The following TBC1D5 variants were observed in gnomAD, a reference collection of about 807,000 sequenced individuals.
The protein encoded by TBC1D5 is TBC1 domain family, member 5.
Under a neutral mutation model 100.3 loss-of-function variants are expected in TBC1D5, and 75 were observed. The ratio of observed to expected loss-of-function variants is 0.75; its 90% CI spans 0.62 to 0.91. The LOEUF is 0.91. TBC1D5 is among the 40% of genes least tolerant of loss of function. The probability of loss-of-function intolerance (pLI) is 0.00; values close to 1 mark genes in which losing one functional copy is unlikely to be tolerated. For synonymous variants in TBC1D5, 323 were observed against 325.6 expected (o/e 0.99, Z 0.09); for missense variants, 910 against 942.4 (o/e 0.97, Z 0.45).
intron 9 of TBC1D5, among the ~76,000 whole-genome samples, chr3:17,378,083 A>T (rs1323790269): frequency 3.3e-5 from 5 of 151,882 alleles, no homozygotes; most frequent in Admixed American, 6.6e-5. Context: ...ATAAATAAGT[A>T]TTGTATTAAT....
At chr3:17,409,033 A>C (rs2093850369) in intron 4 of TBC1D5, among the ~76,000 whole-genome samples, 1 of 152,176 alleles carries the variant, frequency 6.6e-6, no homozygotes, top group African/African-American at 2.4e-5. Context: ...CAATATTCAA[A>C]GATGAGATTA....
At chr3:17,618,741 T>A (rs904653883) in intron 2 of TBC1D5, among the ~76,000 whole-genome samples, 2 of 152,240 alleles carry the variant, frequency 1.3e-5, no homozygotes, top group African/African-American at 4.8e-5. Context: ...GTCTGCTGGT[T>A]ACTAAGGCCA....
intron 1 of TBC1D5, among the ~76,000 whole-genome samples, chr3:17,660,447 T>G (rs2066530642): frequency 6.6e-6 from 1 of 152,222 alleles, no homozygotes; most frequent in African/African-American, 2.4e-5. Context: ...AAGTAAGTGC[T>G]TCAGAAACTC....
At chr3:17,435,290 C>T (rs949689918) in intron 3 of TBC1D5, among the ~76,000 whole-genome samples, 2 of 152,168 alleles carry the variant, frequency 1.3e-5, no homozygotes, top group Non-Finnish European at 2.9e-5. Flanking sequence ...TATAGCAGCA[C>T]GCCAATCTCT....
chr3:17,560,677 C>A (rs962503246), intron 2 of TBC1D5, among the ~76,000 whole-genome samples: 1 of 151,602 alleles, frequency 6.6e-6, no homozygotes, highest in South Asian at 2.1e-4. Context: ...AATCCCAGCA[C>A]TTTGGGAGGC....
chr3:17,233,327 T>C (rs913368542), intron 17 of TBC1D5, among the ~76,000 whole-genome samples: 1 of 152,172 alleles, frequency 6.6e-6, no homozygotes, highest in Non-Finnish European at 1.5e-5. Flanking sequence ...CAGAACTAAT[T>C]GGTCAAATAC....
intron 3 of TBC1D5, among the ~76,000 whole-genome samples, chr3:17,431,217 T>C (rs1164799597): frequency 6.6e-6 from 1 of 151,944 alleles, no homozygotes; most frequent in East Asian, 1.9e-4. Flanking sequence ...TTGAACTAAG[T>C]TGTCAGGTAG....
At chr3:17,616,542 T>C (rs2062170990) in intron 2 of TBC1D5, among the ~76,000 whole-genome samples, 1 of 152,202 alleles carries the variant, frequency 6.6e-6, no homozygotes, top group Non-Finnish European at 1.5e-5. Flanking sequence ...TGTAGGTCTT[T>C]AAGGACTTGC....
intron 1 of TBC1D5, among the ~76,000 whole-genome samples, chr3:17,666,696 A>G (rs1278385645): frequency 6.6e-6 from 1 of 152,080 alleles, no homozygotes; most frequent in Non-Finnish European, 1.5e-5. Context: ...TTCTTAGTAA[A>G]ATCAATTTTC....
intron 10 of TBC1D5, 80 bp downstream of exon 10, chr3:17,376,445 G>C: frequency 8.4e-7 from 1 of 1,192,198 alleles, no homozygotes; most frequent in Non-Finnish European, 1.2e-6. Context: ...CTTCCATTTA[G>C]AAGATTTTGA....
chr3:17,436,223 A>G (rs2094532938), intron 3 of TBC1D5, among the ~76,000 whole-genome samples: 2 of 152,222 alleles, frequency 1.3e-5, no homozygotes, highest in Non-Finnish European at 2.9e-5. Flanking sequence ...ACCTTTCAAT[A>G]TCTCAGATTC....
chr3:17,722,201 A>G (rs191761998), intron 1 of TBC1D5, among the ~76,000 whole-genome samples: 181 of 152,302 alleles, frequency 1.2e-3, no homozygotes, highest in African/African-American at 4.2e-3. Context: ...TATTATTTGT[A>G]CAATTTCAAC....
intron 2 of TBC1D5, among the ~76,000 whole-genome samples, chr3:17,532,849 G>T (rs558053407): frequency 7.1e-6 from 1 of 141,272 alleles, no homozygotes; most frequent in African/African-American, 2.6e-5. Context: ...GGTGGAGGGA[G>T]GGGGGAGGGA....
intron 10 of TBC1D5, among the ~76,000 whole-genome samples, chr3:17,375,791 T>C (rs1410120879): frequency 6.6e-6 from 1 of 152,128 alleles, no homozygotes; most frequent in Non-Finnish European, 1.5e-5. Flanking sequence ...GCAAAGTGGA[T>C]GGCTATATTT....
chr3:17,539,972 G>T (rs1226760453), intron 2 of TBC1D5, among the ~76,000 whole-genome samples: 1 of 152,096 alleles, frequency 6.6e-6, no homozygotes, highest in Middle Eastern at 3.2e-3. Flanking sequence ...AGTGCACAAG[G>T]GTTCCAATTT....
At chr3:17,371,529 T>A (rs996721018) in intron 13 of TBC1D5, among the ~76,000 whole-genome samples, 2 of 152,182 alleles carry the variant, frequency 1.3e-5, no homozygotes, top group African/African-American at 4.8e-5. Flanking sequence ...AGCCTTAACT[T>A]CTTCATCTCT....
At chr3:17,291,540 A>G (rs1316632802) in intron 15 of TBC1D5, among the ~76,000 whole-genome samples, 2 of 152,224 alleles carry the variant, frequency 1.3e-5, no homozygotes, top group Non-Finnish European at 2.9e-5. Context: ...CCAAGGTTCT[A>G]CTTGGATAAA....
At chr3:17,623,580 T>A (rs984376146) in intron 2 of TBC1D5, 1 of 152,348 alleles carries the variant, frequency 6.6e-6, no homozygotes, top group African/African-American at 2.4e-5. Context: ...TCTACCTGTC[T>A]TTCCAAATGC....
At chr3:17,285,005 CA>C (rs1375805725) in intron 15 of TBC1D5, among the ~76,000 whole-genome samples, 3 of 145,282 alleles carry the variant, frequency 2.1e-5, no homozygotes, top group African/African-American at 5.1e-5. Flanking sequence ...AGAATAAACA[CA>C]AAAAAATAAT....
Sources: gnomAD v4.1 joint callset for allele counts (sites outside exome capture counted in the v4.1 genomes callset) on GRCh38, gnomAD v4.1.1 for gene constraint, MANE v1.5 for transcripts, NCBI Gene and HGNC (gene_info 2026-07-23, HGNC 2026-07-21) for gene names.